The following PRDM16 variants were observed in gnomAD, a reference collection of about 807,000 sequenced individuals.
PRDM16 encodes PR/SET domain 16.
PRDM16 carries 23 observed loss-of-function variants against 110.6 expected under a neutral mutation model. That is an observed-to-expected ratio of 0.21 (90% confidence interval 0.15 to 0.29). The LOEUF is 0.29. PRDM16 is among the 10% of genes least tolerant of loss of function. The probability of loss-of-function intolerance (pLI) is 1.00; values close to 1 mark genes in which losing one functional copy is unlikely to be tolerated. For synonymous variants in PRDM16, 799 were observed against 781.8 expected (o/e 1.02, Z -0.37); for missense variants, 1,615 against 1,794.3 (o/e 0.90, Z 1.81).
chr1:3,087,153 C>T (rs1375623191), intron 1 of PRDM16, among the ~76,000 whole-genome samples: 3 of 152,042 alleles, frequency 2.0e-5, no homozygotes, highest in Non-Finnish European at 2.9e-5. Flanking sequence ...AAGAGGCAGC[C>T]TCACCACGTG....
chr1:3,421,399 C>T (rs979845313), intron 12 of PRDM16, among the ~76,000 whole-genome samples: 2 of 152,214 alleles, frequency 1.3e-5, no homozygotes, highest in Non-Finnish European at 2.9e-5. Flanking sequence ...CTACCCTGCA[C>T]GTTCTCCTTC....
intron 1 of PRDM16, among the ~76,000 whole-genome samples, chr1:3,089,082 C>G (rs1252034175): frequency 1.3e-5 from 2 of 152,320 alleles, no homozygotes; most frequent in Admixed American, 1.3e-4. Context: ...CGCGCCAGTC[C>G]GAGATGCAGG....
chr1:3,070,772 C>T (rs1295839466), intron 1 of PRDM16, among the ~76,000 whole-genome samples: 1 of 152,288 alleles, frequency 6.6e-6, no homozygotes, highest in Admixed American at 6.5e-5. Context: ...GCCCCGCGGC[C>T]GTAGGCCCCG....
intron 2 of PRDM16, among the ~76,000 whole-genome samples, chr1:3,233,429 G>T (rs1444978288): frequency 6.6e-6 from 1 of 152,176 alleles, no homozygotes; most frequent in Non-Finnish European, 1.5e-5. Context: ...CGGAGCTGGG[G>T]TCCCCTCCTG....
intron 3 of PRDM16, among the ~76,000 whole-genome samples, chr1:3,372,556 G>T (rs940617464): frequency 6.6e-6 from 1 of 152,246 alleles, no homozygotes; most frequent in Non-Finnish European, 1.5e-5. Context: ...ACAAGCCTTT[G>T]GTTTGGGGCT....
chr1:3,126,594 G>A (rs1379766755), intron 1 of PRDM16, among the ~76,000 whole-genome samples: 4 of 152,254 alleles, frequency 2.6e-5, no homozygotes, highest in East Asian at 1.9e-4. Flanking sequence ...GTGGCCTACC[G>A]TGCTTGAGCT....
chr1:3,327,829 C>G (rs1641951131), intron 3 of PRDM16, among the ~76,000 whole-genome samples: 1 of 152,222 alleles, frequency 6.6e-6, no homozygotes, highest in Non-Finnish European at 1.5e-5. Context: ...GCCTGCCCCC[C>G]AGCACTGGCT....
intron 3 of PRDM16, among the ~76,000 whole-genome samples, chr1:3,325,282 G>A (rs535810224): frequency 1.4e-4 from 21 of 152,304 alleles, no homozygotes; most frequent in East Asian, 3.9e-4. Flanking sequence ...GTAGGTGGCC[G>A]GGCTCCCAGG....
In PRDM16 at chr1:3,143,810, G is replaced by A. The variant is rs996352657; in HGVS notation, c.38-42315G>A. 1.3e-5 allele frequency among the ~76,000 whole-genome samples: 2 copies of A among 152,166 alleles called. No homozygotes were observed. Among genetic ancestry groups the A allele is most frequent in the African/African-American group, 4.8e-5 (2 of 41,448 alleles). ...TTTTCTAAATAGTGAGGCCCAGAGT[G>A]CAGGTGTGTGTCACACACCTCTGGT... On this transcript the variant is annotated intron_variant, in intron 1 of 16. Coordinates refer to ENST00000270722, the MANE Select transcript of PRDM16 (RefSeq NM_022114.4). This position sits in a 1 kb window ranked among gnomAD's most constrained non-coding sequence, Gnocchi z 4.5.
At position 3,402,800 on chromosome 1, in the gene PRDM16, C is replaced by A; in HGVS notation, c.686C>A (p.Thr229Lys). 2.5e-6 allele frequency: 4 copies of A among 1,610,960 alleles called. No individual in the cohort carries two copies. The South Asian group carries it at 3.3e-5, about 13-fold the overall frequency. ...GTTCTCTCTCTTGCAGAGGAGCCCACGTTCCGCTGTGACGAGTGTGACGAA... is the reference window on the plus strand; with the variant it reads ...GTTCTCTCTCTTGCAGAGGAGCCCAAGTTCCGCTGTGACGAGTGTGACGAA... ...TVPPGLDEEP[T>K]FRCDECDELF... Residue 229 changes from threonine (T) to lysine (K), a missense_variant, in exon 6 of 17, where the codon ACG becomes AAG. This residue lies in a region of PRDM16 where 416 missense variants were observed against 467.1 expected (regional missense o/e 0.89). Coordinates refer to ENST00000270722, the MANE Select transcript of PRDM16 (RefSeq NM_022114.4).
chr1:3,354,994 A>G (rs1341881422), intron 3 of PRDM16, among the ~76,000 whole-genome samples: 1 of 152,206 alleles, frequency 6.6e-6, no homozygotes, highest in Non-Finnish European at 1.5e-5. Context: ...GACCAGAGGC[A>G]GAAACCTGTA....
intron 14 of PRDM16, 75 bp from the exon 15 acceptor site, chr1:3,430,797 G>C: frequency 6.4e-7 from 1 of 1,557,080 alleles, no homozygotes; most frequent in Non-Finnish European, 8.8e-7. Context: ...GCAGAGCGGA[G>C]TCACCAGCCT....
chr1:3,323,283 G>C (rs1269283149), intron 3 of PRDM16, among the ~76,000 whole-genome samples: 1 of 152,214 alleles, frequency 6.6e-6, no homozygotes, highest in Admixed American at 6.5e-5. Flanking sequence ...TCACCAAGAC[G>C]ACGGTGAGAG....
At chr1:3,415,338 G>A (rs1228538569) in intron 10 of PRDM16, among the ~76,000 whole-genome samples, 1 of 152,248 alleles carries the variant, frequency 6.6e-6, no homozygotes, top group Admixed American at 6.5e-5. Flanking sequence ...CAGCGCCATG[G>A]GCTGCACCTG....
At chr1:3,264,836 G>A (rs553166790) in intron 3 of PRDM16, among the ~76,000 whole-genome samples, 3 of 152,242 alleles carry the variant, frequency 2.0e-5, no homozygotes, top group Non-Finnish European at 4.4e-5. Flanking sequence ...AGACATATTT[G>A]GGACATCTCA....
At chr1:3,380,029 A>G (rs1203370917) in intron 3 of PRDM16, among the ~76,000 whole-genome samples, 1 of 113,230 alleles carries the variant, frequency 8.8e-6, no homozygotes, top group African/African-American at 3.5e-5. Context: ...ATCCCTCACC[A>G]TGCACCCCTC....
chr1:3,114,463 A>G (rs897387576), intron 1 of PRDM16, among the ~76,000 whole-genome samples: 10 of 147,148 alleles, frequency 6.8e-5, no homozygotes, highest in Non-Finnish European at 1.3e-4. Flanking sequence ...ACACACGCAC[A>G]CACGCAGTGT....
intron 1 of PRDM16, among the ~76,000 whole-genome samples, chr1:3,181,688 A>ACG (rs1236655625): frequency 1.9e-5 from 2 of 105,952 alleles, no homozygotes; most frequent in Non-Finnish European, 4.0e-5. Flanking sequence ...GCAGTCTTAC[A>ACG]CACGGTCTTA....
In PRDM16 at chr1:3,425,835, G is replaced by A. The variant is rs542001353; in HGVS notation, c.3109+85G>A. The A allele has an allele frequency of 3.3e-6, 5 of 1,533,146 alleles. No individual in the cohort carries two copies. Among genetic ancestry groups the A allele is most frequent in the South Asian group, 2.4e-5 (2 of 84,114 alleles). The allele number at this position is 1,533,146 out of a possible 1,614,324, so 95.0% of individuals were successfully genotyped here. The stretch of plus-strand genomic sequence containing the variant: ...GGGAGGGGGAACAGCAGGGGAGTGG[G>A]CGCCGGGCAGGGAAGAGGGCCACAG... On this transcript the variant is annotated intron_variant, in intron 13 of 16. Coordinates refer to ENST00000270722, the MANE Select transcript of PRDM16 (RefSeq NM_022114.4). This position sits in a 1 kb window ranked among gnomAD's most constrained non-coding sequence, Gnocchi z 6.9.
Sources: gnomAD v4.1 joint callset for allele counts (sites outside exome capture counted in the v4.1 genomes callset) on GRCh38, gnomAD v4.1.1 for gene constraint, gnomAD v4.1.1 regional missense constraint, Gnocchi (gnomAD v3.1) non-coding constraint, MANE v1.5 for transcripts, NCBI Gene and HGNC (gene_info 2026-07-23, HGNC 2026-07-21) for gene names.